The following ARHGAP26 variants were observed in gnomAD, a reference collection of about 807,000 sequenced individuals.
The protein encoded by ARHGAP26 is Rho GTPase activating protein 26, also known as rho GTPase-activating protein 26.
A neutral mutation model predicts 104.8 loss-of-function variants in ARHGAP26; 38 were observed. The observed-to-expected ratio is 0.36, with a 90% CI of 0.28 to 0.48. The LOEUF is 0.48. Ranked by LOEUF, ARHGAP26 falls within the 20% of genes least tolerant of loss-of-function variation. The probability of loss-of-function intolerance (pLI) is 0.99; values close to 1 mark genes in which losing one functional copy is unlikely to be tolerated. For missense variants in ARHGAP26, 704 were observed against 947.9 expected (o/e 0.74, Z 3.38); for synonymous variants, 341 against 340.0 (o/e 1.00, Z -0.03).
intron 6 of ARHGAP26, among the ~76,000 whole-genome samples, chr5:142,895,697 A>G (rs374106373): frequency 2.6e-5 from 4 of 152,042 alleles, no homozygotes; most frequent in Admixed American, 6.6e-5. Context: ...CAAGACTCCA[A>G]TTGGTGGCCA....
At chr5:142,991,623 T>A (rs1158821009) in intron 11 of ARHGAP26, among the ~76,000 whole-genome samples, 2 of 152,222 alleles carry the variant, frequency 1.3e-5, no homozygotes, top group Non-Finnish European at 2.9e-5. Context: ...ACCATATTTT[T>A]ACTGTACGTT....
rs556735573 is a variant in ARHGAP26 at position 143,227,617 on chromosome 5, G to A, written c.*5171G>A. On this transcript the variant is annotated 3_prime_UTR_variant, in exon 23 of 23. Coordinates refer to ENST00000645722, the MANE Select transcript of ARHGAP26 (RefSeq NM_001135608.3). The stretch of plus-strand genomic sequence containing the variant: ...AATAATTAGCTTTTTTTCTCCTGCC[G>A]CCTACAGTACCTGTCTAACTAAAGA... 7.4e-5 allele frequency: 17 copies of A among 229,386 alleles called. No individual in the cohort carries two copies. Among genetic ancestry groups the A allele is most frequent in the African/African-American group, 1.8e-4 (8 of 45,216 alleles). 14.2% of individuals were successfully genotyped at this position (229,386 alleles called of 1,614,324 possible). A position where few individuals can be genotyped will look rare whatever the true frequency, so the allele number is the denominator to read the frequency against.
chr5:143,114,674 T>TC (rs1449009698), intron 17 of ARHGAP26, among the ~76,000 whole-genome samples: 3 of 152,160 alleles, frequency 2.0e-5, no homozygotes, highest in Non-Finnish European at 4.4e-5. Context: ...GAATTGGTCA[T>TC]CTCAGGCCTA....
chr5:143,034,044 C>T (rs991423102), intron 12 of ARHGAP26, among the ~76,000 whole-genome samples: 1 of 152,188 alleles, frequency 6.6e-6, no homozygotes, highest in Non-Finnish European at 1.5e-5. Flanking sequence ...GTCAAAACCA[C>T]AATGAGATAC....
chr5:142,901,754 G>A (rs1431922486), intron 6 of ARHGAP26, among the ~76,000 whole-genome samples, 181 bp from the exon 7 acceptor site: 2 of 152,212 alleles, frequency 1.3e-5, no homozygotes. Flanking sequence ...GGGATGTTGT[G>A]AGTACTCACC....
At chr5:143,036,778 T>G (rs1311108575) in intron 12 of ARHGAP26, among the ~76,000 whole-genome samples, 2 of 152,210 alleles carry the variant, frequency 1.3e-5, no homozygotes, top group Non-Finnish European at 2.9e-5. Flanking sequence ...AAAATCTATT[T>G]TAAGCACTTA....
chr5:143,024,372 T>A lies in ARHGAP26; in HGVS notation c.1144+10256T>A, dbSNP rs569538995. Among the ~76,000 whole-genome samples the A allele has an allele frequency of 2.6e-5, 4 of 152,188 alleles. No homozygotes were observed. The East Asian group carries it at 5.8e-4, about 22-fold the overall frequency. On this transcript the variant is annotated intron_variant, in intron 12 of 22. Transcript: ENST00000645722. ...ATGCAGCCAGTGTATGCCTCTGCCA[T>A]GGCCTAATATTCCCCTTTCCCTCAG...
chr5:142,796,256 A>G (rs1047458770), intron 1 of ARHGAP26, among the ~76,000 whole-genome samples: 2 of 152,166 alleles, frequency 1.3e-5, no homozygotes, highest in Non-Finnish European at 2.9e-5. Flanking sequence ...GCTACATCCT[A>G]TTCTCTCTGG....
At chr5:143,081,205 G>A (rs1789763484) in intron 17 of ARHGAP26, among the ~76,000 whole-genome samples, 1 of 152,048 alleles carries the variant, frequency 6.6e-6, no homozygotes, top group South Asian at 2.1e-4. Flanking sequence ...GATCACTGAG[G>A]GCAGGTCTGT....
chr5:142,787,995 C>CTT (rs71576156), intron 1 of ARHGAP26, among the ~76,000 whole-genome samples: 17 of 132,854 alleles, frequency 1.3e-4, no homozygotes, highest in East Asian at 4.4e-4. Context: ...TTAACCAATT[C>CTT]TTTTTTTTTT....
At chr5:143,096,471 TGTCA>T (rs1792325318) in intron 17 of ARHGAP26, among the ~76,000 whole-genome samples, 1 of 152,220 alleles carries the variant, frequency 6.6e-6, no homozygotes. Flanking sequence ...ATATTTTGTC[TGTCA>T]GTTATTCTTT....
intron 17 of ARHGAP26, among the ~76,000 whole-genome samples, chr5:143,112,460 G>A (rs1794892037): frequency 6.6e-6 from 1 of 152,142 alleles, no homozygotes; most frequent in Non-Finnish European, 1.5e-5. Context: ...ATATATTTTT[G>A]TTGTTACTGT....
intron 17 of ARHGAP26, among the ~76,000 whole-genome samples, chr5:143,100,502 G>T (rs74356283): frequency 6.6e-6 from 1 of 152,194 alleles, no homozygotes; most frequent in Non-Finnish European, 1.5e-5. Flanking sequence ...CCAACATCCC[G>T]TAGATGTGGG....
intron 1 of ARHGAP26, chr5:142,772,803 C>T: frequency 1.9e-6 from 1 of 533,466 alleles, no homozygotes; most frequent in Non-Finnish European, 3.8e-6. Flanking sequence ...GCACCAAGCC[C>T]TAGAATTTGG....
intron 1 of ARHGAP26, among the ~76,000 whole-genome samples, chr5:142,808,240 A>G (rs1203214410): frequency 1.1e-4 from 2 of 18,478 alleles, no homozygotes; most frequent in Non-Finnish European, 1.7e-4. Context: ...GTCTCGGAAA[A>G]AAAAAAAAAA....
intron 20 of ARHGAP26, among the ~76,000 whole-genome samples, chr5:143,185,590 G>T (rs114093824): frequency 7.2e-5 from 11 of 152,144 alleles, no homozygotes; most frequent in Non-Finnish European, 1.5e-4. Context: ...GCAAAAAATG[G>T]CTGCACACAC....
intron 20 of ARHGAP26, among the ~76,000 whole-genome samples, chr5:143,152,789 T>C (rs150963563): frequency 2.7e-4 from 41 of 152,334 alleles, no homozygotes; most frequent in African/African-American, 9.9e-4. Context: ...TCCTTAAAGA[T>C]GACGGATTAC....
Position 143,121,111 on chromosome 5 carries a change from C to T in ARHGAP26, c.1662C>T (p.Asn554=). Residue 554 remains asparagine (N), a synonymous_variant, in exon 18 of 23, where the codon AAC becomes AAT. Coordinates refer to ENST00000645722, the MANE Select transcript of ARHGAP26 (RefSeq NM_001135608.3). Reference sequence around the variant, plus strand: ...CCATCATGGACATCAAATTTCAGAACATTGTCATTGAGATCCTAATAGAAA... The same window carrying T: ...CCATCATGGACATCAAATTTCAGAATATTGTCATTGAGATCCTAATAGAAA... ...VAAIMDIKFQ[N]IVIEILIENH... The T allele has an allele frequency of 6.2e-7, 1 of 1,613,492 alleles. No homozygotes were observed. The highest frequency in any genetic ancestry group is 8.5e-7 in the Non-Finnish European group (1 of 1,179,580).
chr5:143,080,449 G>A (rs1438253705), intron 17 of ARHGAP26, among the ~76,000 whole-genome samples: 1 of 152,174 alleles, frequency 6.6e-6, no homozygotes, highest in Non-Finnish European at 1.5e-5. Flanking sequence ...GCTGTGTTAG[G>A]CCAAGTGGTC....
Sources: allele counts gnomAD v4.1 joint callset (sites outside exome capture counted in the v4.1 genomes callset), GRCh38; gene constraint gnomAD v4.1.1; transcripts MANE v1.5; gene names NCBI Gene and HGNC (gene_info 2026-07-23, HGNC 2026-07-21).